The following MYO16 variants were observed in gnomAD, a reference collection of about 807,000 sequenced individuals.
The protein encoded by MYO16 is unconventional myosin-XVI.
A neutral mutation model predicts 205.3 loss-of-function variants in MYO16; 94 were observed. The observed-to-expected ratio is 0.46, with a 90% CI of 0.39 to 0.54. The LOEUF (loss-of-function observed/expected upper bound fraction) is 0.54, where lower values mean the gene tolerates loss of function less well. Among genes scored for constraint, MYO16 ranks in the 20% least tolerant of loss-of-function variants. The pLI, the probability that MYO16 is intolerant of heterozygous loss-of-function variation, is 0.00. For synonymous variants in MYO16, 988 were observed against 954.0 expected (o/e 1.04, Z -0.66); for missense variants, 2,315 against 2,387.5 (o/e 0.97, Z 0.63).
intron 32 of MYO16, among the ~76,000 whole-genome samples, chr13:109,159,650 C>T (rs772654836): frequency 1.3e-5 from 2 of 152,164 alleles, no homozygotes; most frequent in Non-Finnish European, 2.9e-5. Context: ...GTGAGAAGGA[C>T]TGTGTAGAAA....
intron 20 of MYO16, among the ~76,000 whole-genome samples, chr13:108,967,617 T>C (rs1883845270): frequency 6.6e-6 from 1 of 152,198 alleles, no homozygotes; most frequent in Admixed American, 6.5e-5. Flanking sequence ...ACTTTAAATA[T>C]TGAAACACAC....
chr13:108,864,989 CT>C (rs952962595), intron 11 of MYO16, among the ~76,000 whole-genome samples: 10 of 151,972 alleles, frequency 6.6e-5, no homozygotes, highest in Middle Eastern at 3.4e-3. Context: ...GTATAATATT[CT>C]TTTTTTTAAA....
chr13:108,796,847 A>T (rs1832510806), intron 6 of MYO16, among the ~76,000 whole-genome samples: 1 of 151,338 alleles, frequency 6.6e-6, no homozygotes, highest in Non-Finnish European at 1.5e-5. Context: ...CAGCACACCA[A>T]CATGGCACAT....
At chr13:108,831,733 G>A (rs547528) in intron 9 of MYO16, among the ~76,000 whole-genome samples, 93,598 of 151,878 alleles carry the variant, frequency 0.62, 29,700 homozygotes, top group Middle Eastern at 0.72. Flanking sequence ...GGCTGGTCTC[G>A]AACTCCTGAC....
the MYO16 span, among the ~76,000 whole-genome samples, chr13:108,560,386 C>T: frequency 7.9e-5 from 12 of 152,148 alleles, no homozygotes; most frequent in East Asian, 1.9e-4. Context: ...CACAGGGATA[C>T]GCTCAAGCCA....
intron 4 of MYO16, among the ~76,000 whole-genome samples, chr13:108,776,843 G>A (rs1265074516): frequency 6.6e-6 from 1 of 152,106 alleles, no homozygotes; most frequent in Non-Finnish European, 1.5e-5. Context: ...GTTTCTCCAA[G>A]GTCACGTGAC....
chr13:108,600,738 C>A (rs1200966641), intron 1 of MYO16, among the ~76,000 whole-genome samples: 3 of 152,154 alleles, frequency 2.0e-5, no homozygotes, highest in African/African-American at 7.2e-5. Flanking sequence ...AACAAGAACA[C>A]TATTTTTTCT....
At chr13:108,979,187 C>T (rs1012090161) in intron 20 of MYO16, among the ~76,000 whole-genome samples, 1 of 151,702 alleles carries the variant, frequency 6.6e-6, no homozygotes, top group Non-Finnish European at 1.5e-5. Context: ...AATATATTTT[C>T]TGTAGTTTTA....
At chr13:108,851,263 A>G (rs1254232275) in intron 10 of MYO16, among the ~76,000 whole-genome samples, 2 of 152,220 alleles carry the variant, frequency 1.3e-5, no homozygotes, top group African/African-American at 4.8e-5. Flanking sequence ...ATGAATATGC[A>G]TATGGATTAA....
rs1039244639 is a variant in MYO16, at chr13:108,964,677, A to T, written c.2228-84A>T. On this transcript the variant is annotated intron_variant, in intron 19 of 34. Coordinates refer to ENST00000457511, the MANE Select transcript of MYO16 (RefSeq NM_001198950.3). ...CACTTGTCTTGTGGATGTGTGGGGAATTAATAGGATATGTGGAGTTTTGGT... is the reference window on the plus strand; with the variant it reads ...CACTTGTCTTGTGGATGTGTGGGGATTTAATAGGATATGTGGAGTTTTGGT... 4.3e-6 allele frequency: 6 copies of T among 1,390,250 alleles called. No individual in the cohort carries two copies. The African/African-American group carries it at 8.6e-5, about 20-fold the overall frequency. The allele number at this position is 1,390,250 out of a possible 1,614,324, so 86.1% of individuals were successfully genotyped here. A position where few individuals can be genotyped will look rare whatever the true frequency, so the allele number is the denominator to read the frequency against.
intron 7 of MYO16, among the ~76,000 whole-genome samples, chr13:108,807,363 T>G (rs1887147199): frequency 6.6e-6 from 1 of 152,174 alleles, no homozygotes; most frequent in Admixed American, 6.5e-5. Context: ...AGTTTGCATT[T>G]CACGTATTTT....
In MYO16 at chr13:109,189,030, G is replaced by A. The variant is rs540486532; in HGVS notation, c.5415+9397G>A. On this transcript the variant is annotated intron_variant, in intron 34 of 34. Coordinates refer to ENST00000457511, the MANE Select transcript of MYO16 (RefSeq NM_001198950.3). Reference sequence around the variant, plus strand: ...AATTGCTTGAACCAGGGAGGCGAAGGTTGCAGTGAGCAGAGACAGTGTAAT... The same window carrying A: ...AATTGCTTGAACCAGGGAGGCGAAGATTGCAGTGAGCAGAGACAGTGTAAT... Among the ~76,000 whole-genome samples the A allele has an allele frequency of 1.4e-3, 206 of 152,062 alleles. 2 individuals are homozygous for A. Among genetic ancestry groups the A allele is most frequent in the African/African-American group, 4.6e-3 (192 of 41,456 alleles).
intron 4 of MYO16, among the ~76,000 whole-genome samples, chr13:108,754,303 G>GAAGAACAAGCTGTAGCATA (rs1885350778): frequency 6.6e-6 from 1 of 151,980 alleles, no homozygotes; most frequent in South Asian, 2.1e-4. Context: ...GCTGTAGCAT[G>GAAGAACAAGCTGTAGCATA]CAGGACAAGC....
chr13:108,886,619 G>A (rs911149484), intron 13 of MYO16, among the ~76,000 whole-genome samples: 6 of 152,158 alleles, frequency 3.9e-5, no homozygotes, highest in African/African-American at 1.2e-4. Flanking sequence ...TGCGCATGCT[G>A]AGGCCGAGCT....
intron 32 of MYO16, among the ~76,000 whole-genome samples, chr13:109,146,843 GAGAA>G (rs954416862): frequency 6.7e-6 from 1 of 149,220 alleles, no homozygotes; most frequent in Admixed American, 6.7e-5. Flanking sequence ...AAGAGAAAAA[GAGAA>G]AGAAAAAAAG....
intron 9 of MYO16, among the ~76,000 whole-genome samples, chr13:108,841,173 G>A (rs1877220780): frequency 6.6e-6 from 1 of 152,194 alleles, no homozygotes; most frequent in South Asian, 2.1e-4. Flanking sequence ...AGACAGTGTA[G>A]TGTTGATTTA....
chr13:108,961,980 C>T (rs1883603048), intron 18 of MYO16, among the ~76,000 whole-genome samples: 1 of 152,132 alleles, frequency 6.6e-6, no homozygotes, highest in Non-Finnish European at 1.5e-5. Context: ...GTTATTAGCT[C>T]AACATTTTAA....
At chr13:109,116,050 C>T (rs1875662763) in intron 28 of MYO16, among the ~76,000 whole-genome samples, 2 of 152,022 alleles carry the variant, frequency 1.3e-5, no homozygotes, top group Non-Finnish European at 2.9e-5. Flanking sequence ...ATTGCCAACC[C>T]ACAAATAAAT....
intron 4 of MYO16, among the ~76,000 whole-genome samples, chr13:108,742,834 G>A (rs1187230303): frequency 1.3e-5 from 2 of 152,196 alleles, no homozygotes; most frequent in East Asian, 3.8e-4. Flanking sequence ...TCAGTCACTT[G>A]CTTGCTGAGA....
Sources: allele counts gnomAD v4.1 joint callset (sites outside exome capture counted in the v4.1 genomes callset), GRCh38; gene constraint gnomAD v4.1.1; transcripts MANE v1.5; gene names NCBI Gene and HGNC (gene_info 2026-07-23, HGNC 2026-07-21).